Variants in SLC22A4 observed in about 807,000 individuals in gnomAD.
SLC22A4 encodes ET transporter.
In SLC22A4, 39 loss-of-function variants were observed where a neutral mutation model predicts 56.6. That is an observed-to-expected ratio of 0.69 (90% CI 0.53 to 0.90). SLC22A4 has a LOEUF of 0.90. SLC22A4 is among the 40% of genes least tolerant of loss of function. SLC22A4 has a pLI of 0.00. For missense variants in SLC22A4, 594 were observed against 696.5 expected (o/e 0.85, Z 1.66); for synonymous variants, 241 against 281.4 (o/e 0.86, Z 1.44).
At chr5:132,299,239 G>T (rs896282551) in intron 1 of SLC22A4, among the ~76,000 whole-genome samples, 4 of 152,210 alleles carry the variant, frequency 2.6e-5, no homozygotes, top group Admixed American at 2.0e-4. Flanking sequence ...TTCATAGTAT[G>T]CCAGGAGGTA....
rs202244640 is a variant in SLC22A4 at position 132,335,938 on chromosome 5, T to C, written c.1382T>C (p.Val461Ala). ...CCAACCCTGGTCAGGAACATGGCGG[T>C]GGGGGTCACATCCACGGCCTCCAGA... is the stretch of plus-strand genomic sequence containing the variant. ...LYPTLVRNMA[V>A]GVTSTASRVG... The change falls in exon 8 of 10, where the codon GTG (valine) becomes GCG (alanine). Residue 461 changes from valine to alanine, a missense_variant. Physicochemically the swap from Val to Ala is moderately conservative, Grantham distance 64 (BLOSUM62 0). Transcript: ENST00000200652. The C allele has an allele frequency of 1.2e-6, 2 of 1,614,144 alleles. No individual in the cohort carries two copies. The highest frequency in any genetic ancestry group is 1.7e-6 in the Non-Finnish European group (2 of 1,180,002).
chr5:132,295,155 C>G, intron 1 of SLC22A4, 146 bp downstream of exon 1: 1 of 982,310 alleles, frequency 1.0e-6, no homozygotes, highest in South Asian at 1.4e-5. Context: ...CGGGTGTGCA[C>G]CCCAAGAAAG....
chr5:132,308,805 C>T (rs1750107207), intron 1 of SLC22A4, among the ~76,000 whole-genome samples: 1 of 152,112 alleles, frequency 6.6e-6, no homozygotes, highest in African/African-American at 2.4e-5. Context: ...ATCAGAGGGG[C>T]AGGGAGAGGG....
intron 1 of SLC22A4, among the ~76,000 whole-genome samples, chr5:132,307,168 TTTTC>T (rs1309960704): frequency 6.6e-5 from 10 of 152,224 alleles, no homozygotes; most frequent in Admixed American, 5.9e-4. Context: ...TTGTTTTTGT[TTTTC>T]TTTGTTTTGT....
rs1750828275 is a variant in SLC22A4 at position 132,330,609 on chromosome 5, CCAGCTACT to C, written c.952-1143_952-1136del. Among the ~76,000 whole-genome samples the C allele has an allele frequency of 2.0e-5, 3 of 152,142 alleles. No homozygotes were observed. In the East Asian group the frequency reaches 5.8e-4, roughly 29 times the overall value. On this transcript the variant is annotated intron_variant, in intron 5 of 9. Transcript: ENST00000200652. Reference sequence around the variant, plus strand: ...GGTGTGGTGGCAGGTGCCTGTAATCCCAGCTACTCAGGAGGCTGAGGCAGGGGAATTGC... The same window carrying C: ...GGTGTGGTGGCAGGTGCCTGTAATCCCAGGAGGCTGAGGCAGGGGAATTGC...
chr5:132,323,454 T>A (rs1038858529), intron 4 of SLC22A4, among the ~76,000 whole-genome samples: 40 of 152,220 alleles, frequency 2.6e-4, no homozygotes, highest in African/African-American at 9.6e-4. Context: ...TCTCATGACC[T>A]GTAAGAGTGC....
intron 1 of SLC22A4, among the ~76,000 whole-genome samples, chr5:132,305,695 A>G (rs930714165): frequency 6.6e-6 from 1 of 152,238 alleles, no homozygotes; most frequent in Non-Finnish European, 1.5e-5. Context: ...CATGCATCCA[A>G]CAAAACTGTC....
At position 132,298,524 on chromosome 5, in the gene SLC22A4, G is replaced by C. The variant is rs550035545; in HGVS notation, c.393+3515G>C. Among the ~76,000 whole-genome samples, 5 of 152,354 alleles carry C rather than the reference G, an allele frequency of 3.3e-5. No individual in the cohort carries two copies. The South Asian group carries it at 1.0e-3, about 32-fold the overall frequency. On this transcript the variant is annotated intron_variant, in intron 1 of 9. Coordinates refer to ENST00000200652, the MANE Select transcript of SLC22A4 (RefSeq NM_003059.3). ...GTTTCAGTTTTGTAAGATGAAAGTA[G>C]TGTTGGAGATTGATTGCACAACAGT... is the stretch of plus-strand genomic sequence containing the variant.
rs1438311656 is a variant in SLC22A4, at chr5:132,334,252, C to T, written c.1047-466C>T. On this transcript the variant is annotated intron_variant, in intron 6 of 9. Coordinates refer to ENST00000200652, the MANE Select transcript of SLC22A4 (RefSeq NM_003059.3). ...TTCTAAGTGAATCCCACAGTATGAC[C>T]CTTGTATCTCTTTTTTGTTAAAGAA... Among the ~76,000 whole-genome samples, 3 of 152,202 alleles carry T rather than the reference C, an allele frequency of 2.0e-5. No homozygotes were observed. In the East Asian group the frequency reaches 5.8e-4, roughly 29 times the overall value.
chr5:132,305,514 A>C (rs1386659410), intron 1 of SLC22A4, among the ~76,000 whole-genome samples: 1 of 152,210 alleles, frequency 6.6e-6, no homozygotes, highest in Non-Finnish European at 1.5e-5. Flanking sequence ...ATAAAAAAAG[A>C]GACAAAAACG....
chr5:132,320,529 A>G (rs1284907039), intron 3 of SLC22A4, among the ~76,000 whole-genome samples: 1 of 152,228 alleles, frequency 6.6e-6, no homozygotes, highest in Non-Finnish European at 1.5e-5. Flanking sequence ...AGGCTGAGCA[A>G]TGCTCTGGGT....
intron 8 of SLC22A4, among the ~76,000 whole-genome samples, chr5:132,339,872 T>C (rs1460431518): frequency 1.3e-5 from 2 of 152,166 alleles, no homozygotes; most frequent in Admixed American, 6.5e-5. Context: ...TCTGTATGTA[T>C]ACAGGGGCAA....
intron 1 of SLC22A4, 38 bp from the exon 2 acceptor site, chr5:132,312,123 A>G (rs1433519617): frequency 7.9e-7 from 1 of 1,272,212 alleles, no homozygotes; most frequent in African/African-American, 1.5e-5. Flanking sequence ...GGTCTGCCTC[A>G]GGGTTGGGCT....
intron 3 of SLC22A4, among the ~76,000 whole-genome samples, chr5:132,316,604 A>C (rs1750365705): frequency 6.6e-6 from 1 of 152,238 alleles, no homozygotes; most frequent in Non-Finnish European, 1.5e-5. Flanking sequence ...ATTTTTCAGT[A>C]CTTCTAACAT....
At chr5:132,310,832 C>T (rs894620523) in intron 1 of SLC22A4, among the ~76,000 whole-genome samples, 3 of 152,136 alleles carry the variant, frequency 2.0e-5, no homozygotes, top group African/African-American at 4.8e-5. Context: ...CAGACTACTT[C>T]GGATACTGTA....
At chr5:132,307,173 TTTG>T (rs561639549) in intron 1 of SLC22A4, among the ~76,000 whole-genome samples, 109 of 152,346 alleles carry the variant, frequency 7.2e-4, no homozygotes, top group Admixed American at 1.5e-3. Flanking sequence ...TTTGTTTTTC[TTTG>T]TTTTGTTTTT....
intron 9 of SLC22A4, among the ~76,000 whole-genome samples, 178 bp downstream of exon 9, chr5:132,340,878 G>A (rs1009416317): frequency 6.6e-6 from 1 of 152,358 alleles, no homozygotes; most frequent in South Asian, 2.1e-4. Context: ...CACTTTGGGA[G>A]GCTGAGGCAG....
At chr5:132,342,689 C>T (rs1751257568) in intron 9 of SLC22A4, among the ~76,000 whole-genome samples, 1 of 152,210 alleles carries the variant, frequency 6.6e-6, no homozygotes, top group African/African-American at 2.4e-5. Context: ...GCTAGAATGA[C>T]TCACAGCACT....
At chr5:132,341,953 A>T (rs1751232509) in intron 9 of SLC22A4, among the ~76,000 whole-genome samples, 1 of 152,218 alleles carries the variant, frequency 6.6e-6, no homozygotes. Context: ...TCTCCAAAAA[A>T]AAAACACATC....
Sources: allele counts gnomAD v4.1 joint callset (sites outside exome capture counted in the v4.1 genomes callset), GRCh38; gene constraint gnomAD v4.1.1; transcripts MANE v1.5; gene names NCBI Gene and HGNC (gene_info 2026-07-23, HGNC 2026-07-21).